Variants in DNM3 observed in about 807,000 individuals in gnomAD.
The protein encoded by DNM3 is dynamin 3.
In DNM3, 47 loss-of-function variants were observed where a neutral mutation model predicts 101.6. The ratio of observed to expected loss-of-function variants is 0.46; its 90% CI spans 0.37 to 0.59. The LOEUF (loss-of-function observed/expected upper bound fraction) is 0.59. DNM3 is among the 20% of genes least tolerant of loss of function. The probability of loss-of-function intolerance (pLI) is 0.00; values close to 1 mark genes in which losing one functional copy is unlikely to be tolerated. For synonymous variants in DNM3, 385 were observed against 387.9 expected (o/e 0.99, Z 0.09); for missense variants, 849 against 1,085.7 (o/e 0.78, Z 3.06).
chr1:171,943,623 G>C (rs760320782), intron 2 of DNM3, among the ~76,000 whole-genome samples: 1 of 152,082 alleles, frequency 6.6e-6, no homozygotes, highest in Non-Finnish European at 1.5e-5. Context: ...CCTATGACCT[G>C]GAAGCCCCCT....
chr1:172,195,008 C>T (rs917680082), intron 14 of DNM3, among the ~76,000 whole-genome samples: 2 of 151,922 alleles, frequency 1.3e-5, no homozygotes, highest in Non-Finnish European at 2.9e-5. Context: ...ACCAGTTGTT[C>T]CTTTCCATGT....
chr1:172,033,025 C>T (rs2048725808), intron 5 of DNM3, 80 bp from the exon 6 acceptor site: 1 of 1,514,666 alleles, frequency 6.6e-7, no homozygotes, highest in East Asian at 2.4e-5. Context: ...TCTTACTCTG[C>T]CTATGTGAGA....
intron 2 of DNM3, among the ~76,000 whole-genome samples, chr1:171,929,446 A>G (rs2040831959): frequency 6.6e-6 from 1 of 151,940 alleles, no homozygotes; most frequent in African/African-American, 2.4e-5. Context: ...CAAAGTTTGA[A>G]GGCTGGAACA....
chr1:172,246,950 G>C (rs16844134), intron 14 of DNM3, among the ~76,000 whole-genome samples: 25,148 of 152,064 alleles, frequency 0.17, 2,427 homozygotes, highest in East Asian at 0.24. Context: ...GAAAAATATT[G>C]ATCAACATTA....
At chr1:172,391,687 C>G (rs868418203) in intron 20 of DNM3, among the ~76,000 whole-genome samples, 6 of 152,044 alleles carry the variant, frequency 3.9e-5, no homozygotes, top group Admixed American at 2.6e-4. Flanking sequence ...GGAAAACAAC[C>G]CTTTGTTTTC....
intron 20 of DNM3, among the ~76,000 whole-genome samples, chr1:172,391,913 T>C (rs920876697): frequency 6.6e-6 from 1 of 152,240 alleles, no homozygotes; most frequent in Admixed American, 6.5e-5. Flanking sequence ...AGTTTTCTTC[T>C]GGATAATTCA....
chr1:172,044,530 C>A, intron 9 of DNM3, 78 bp downstream of exon 9: 2 of 1,237,984 alleles, frequency 1.6e-6, no homozygotes, highest in Non-Finnish European at 2.3e-6. Flanking sequence ...CTAGGAAACT[C>A]GTCTTTTCAT....
At chr1:172,138,238 A>C (rs1429695618) in intron 14 of DNM3, 1 of 151,484 alleles carries the variant, frequency 6.6e-6, no homozygotes. Context: ...TTTTGCCCAG[A>C]CCCAGACTGG....
chr1:172,302,189 T>A (rs544235054), intron 15 of DNM3, among the ~76,000 whole-genome samples: 9 of 152,270 alleles, frequency 5.9e-5, no homozygotes, highest in African/African-American at 2.2e-4. Flanking sequence ...TTTCCAATGG[T>A]CTTAGCAAAT....
At chr1:172,347,594 G>C (rs1219563539) in intron 17 of DNM3, among the ~76,000 whole-genome samples, 1 of 152,124 alleles carries the variant, frequency 6.6e-6, no homozygotes, top group African/African-American at 2.4e-5. Flanking sequence ...TAGTAAACTG[G>C]AAAATCTGTA....
chr1:171,987,263 G>A, intron 2 of DNM3: 1 of 982,748 alleles, frequency 1.0e-6, no homozygotes, highest in Non-Finnish European at 1.2e-6. Context: ...ATTCCATCCT[G>A]ATGAAATGGT....
chr1:172,323,054 G>T (rs141834478), intron 16 of DNM3, among the ~76,000 whole-genome samples: 1 of 152,208 alleles, frequency 6.6e-6, no homozygotes, highest in African/African-American at 2.4e-5. Context: ...AGAAAGAAAG[G>T]GGGCAACTGT....
intron 13 of DNM3, among the ~76,000 whole-genome samples, chr1:172,108,636 T>C (rs2055240890): frequency 6.6e-6 from 1 of 152,234 alleles, no homozygotes; most frequent in Non-Finnish European, 1.5e-5. Flanking sequence ...ATGAAATTTC[T>C]TTGACTCAGC....
chr1:172,348,173 A>C (rs768608844), intron 17 of DNM3, among the ~76,000 whole-genome samples: 5 of 152,182 alleles, frequency 3.3e-5, no homozygotes, highest in Non-Finnish European at 7.4e-5. Context: ...TGTGCCATGA[A>C]CCAAGGATTA....
At chr1:171,978,109 T>G (rs1186651459) in intron 2 of DNM3, among the ~76,000 whole-genome samples, 1 of 152,148 alleles carries the variant, frequency 6.6e-6, no homozygotes, top group African/African-American at 2.4e-5. Context: ...AATATGCAAC[T>G]GGTTTAGTTA....
intron 2 of DNM3, among the ~76,000 whole-genome samples, chr1:171,955,412 G>T (rs1332298508): frequency 6.6e-6 from 1 of 152,168 alleles, no homozygotes; most frequent in Non-Finnish European, 1.5e-5. Context: ...TATATTAAGT[G>T]CACTGTGTGT....
At chr1:172,154,159 A>G (rs1046881607) in intron 14 of DNM3, among the ~76,000 whole-genome samples, 4 of 152,092 alleles carry the variant, frequency 2.6e-5, no homozygotes, top group Non-Finnish European at 5.9e-5. Flanking sequence ...ATGCTCTACA[A>G]TGGTTTCCCA....
chr1:172,188,499 C>T (rs1425496849), intron 14 of DNM3, among the ~76,000 whole-genome samples: 1 of 152,074 alleles, frequency 6.6e-6, no homozygotes, highest in African/African-American at 2.4e-5. Context: ...AAATCTGCCC[C>T]TCTTGTCACT....
intron 15 of DNM3, among the ~76,000 whole-genome samples, chr1:172,282,746 T>C (rs1409171576): frequency 6.6e-6 from 1 of 152,246 alleles, no homozygotes; most frequent in East Asian, 1.9e-4. Context: ...GGCTTAACTC[T>C]ACTTGGAGAG....
Sources: gnomAD v4.1 joint callset for allele counts (sites outside exome capture counted in the v4.1 genomes callset) on GRCh38, gnomAD v4.1.1 for gene constraint, MANE v1.5 for transcripts, NCBI Gene and HGNC (gene_info 2026-07-23, HGNC 2026-07-21) for gene names.